SNTG1: variants seen among roughly 807,000 people sequenced by gnomAD.
SNTG1 encodes the protein gamma-1-syntrophin.
A neutral mutation model predicts 74.7 loss-of-function variants in SNTG1; 39 were observed. The observed-to-expected ratio is 0.52, with a 90% CI of 0.40 to 0.68. SNTG1 has a LOEUF of 0.68. Among genes scored for constraint, SNTG1 ranks in the 30% least tolerant of loss-of-function variants. The probability of loss-of-function intolerance (pLI) is 0.00; values close to 1 mark genes in which losing one functional copy is unlikely to be tolerated. For missense variants in SNTG1, 685 were observed against 609.5 expected (o/e 1.12, Z -1.30); for synonymous variants, 254 against 217.1 (o/e 1.17, Z -1.49).
At chr8:50,735,256 T>G (rs995353942) in intron 17 of SNTG1, among the ~76,000 whole-genome samples, 1 of 151,590 alleles carries the variant, frequency 6.6e-6, no homozygotes, top group Admixed American at 6.6e-5. Context: ...GTTGAGAAAA[T>G]ATATTCCATG....
At position 50,117,013 on chromosome 8, in the gene SNTG1, A is replaced by G. The variant is rs117600679; in HGVS notation, c.-102-55548A>G. On this transcript the variant is annotated intron_variant, in intron 1 of 18. Transcript: ENST00000642720. ...TTTTAATGCTAGGACTCATTTTCTCAGTGGAGAATGAGGCATGAAACAACA... is the reference window on the plus strand; with the variant it reads ...TTTTAATGCTAGGACTCATTTTCTCGGTGGAGAATGAGGCATGAAACAACA... Among the ~76,000 whole-genome samples the G allele has an allele frequency of 9.3e-3, 1,413 of 152,224 alleles. 4 individuals are homozygous for G. Among genetic ancestry groups the G allele is most frequent in the Non-Finnish European group, 0.013 (915 of 68,002 alleles).
chr8:50,744,873 G>T (rs2095551669), intron 17 of SNTG1, among the ~76,000 whole-genome samples: 1 of 151,888 alleles, frequency 6.6e-6, no homozygotes, highest in Non-Finnish European at 1.5e-5. Context: ...GTTAGACCCT[G>T]GCCTTATACC....
At chr8:50,383,026 A>G (rs2092515168) in intron 2 of SNTG1, among the ~76,000 whole-genome samples, 1 of 152,230 alleles carries the variant, frequency 6.6e-6, no homozygotes, top group Non-Finnish European at 1.5e-5. Flanking sequence ...ACTTAAAGCC[A>G]ACTGATTTCA....
intron 8 of SNTG1, among the ~76,000 whole-genome samples, chr8:50,474,553 C>T (rs1472125788): frequency 3.9e-5 from 6 of 151,972 alleles, no homozygotes; most frequent in Admixed American, 6.6e-5. Flanking sequence ...GTTAGAATGG[C>T]GATCATTAAA....
chr8:50,520,925 T>C (rs2130153661), intron 9 of SNTG1, among the ~76,000 whole-genome samples: 1 of 152,298 alleles, frequency 6.6e-6, no homozygotes, highest in Non-Finnish European at 1.5e-5. Context: ...TTACTGGGTA[T>C]ATACCCAAAG....
intron 1 of SNTG1, among the ~76,000 whole-genome samples, chr8:49,971,381 C>G (rs1811656778): frequency 6.6e-6 from 1 of 152,094 alleles, no homozygotes; most frequent in African/African-American, 2.4e-5. Context: ...ATAATAAGAG[C>G]TATCTATGAC....
chr8:50,589,637 T>C (rs888731318), intron 12 of SNTG1, among the ~76,000 whole-genome samples: 9 of 152,060 alleles, frequency 5.9e-5, no homozygotes, highest in Non-Finnish European at 7.4e-5. Context: ...TAGTACATTA[T>C]TGAAGACAAG....
At chr8:50,325,233 A>T (rs1587137317) in intron 2 of SNTG1, among the ~76,000 whole-genome samples, 1 of 151,742 alleles carries the variant, frequency 6.6e-6, no homozygotes, top group South Asian at 2.1e-4. Flanking sequence ...TTAACTTTAG[A>T]ATCAGTGTGG....
At chr8:50,122,070 C>G (rs767732251) in intron 1 of SNTG1, among the ~76,000 whole-genome samples, 1 of 140,766 alleles carries the variant, frequency 7.1e-6, no homozygotes, top group Non-Finnish European at 1.6e-5. Flanking sequence ...CCATGTCCAA[C>G]CCTCGATGCC....
chr8:50,567,661 T>A (rs1339243529), intron 12 of SNTG1, among the ~76,000 whole-genome samples: 1 of 152,092 alleles, frequency 6.6e-6, no homozygotes, highest in Non-Finnish European at 1.5e-5. Context: ...ATGGTCAAAT[T>A]AATAATATGT....
chr8:50,643,547 G>C (rs13252090), intron 13 of SNTG1, among the ~76,000 whole-genome samples: 34,152 of 152,120 alleles, frequency 0.22, 4,443 homozygotes, highest in African/African-American at 0.35. Flanking sequence ...TGCCCTTCCC[G>C]AAAGTGAAGA....
At chr8:50,438,334 T>G (rs2093325657) in intron 4 of SNTG1, among the ~76,000 whole-genome samples, 1 of 152,208 alleles carries the variant, frequency 6.6e-6, no homozygotes, top group Admixed American at 6.5e-5. Context: ...AACGCTTCAG[T>G]CCCTGTTATT....
intron 2 of SNTG1, among the ~76,000 whole-genome samples, chr8:50,263,569 A>G (rs1010768469): frequency 3.3e-5 from 5 of 152,186 alleles, no homozygotes; most frequent in Non-Finnish European, 5.9e-5. Flanking sequence ...TGGTGTGGCT[A>G]TACTAATAGC....
At chr8:50,224,272 A>G (rs2085217924) in intron 2 of SNTG1, among the ~76,000 whole-genome samples, 1 of 152,206 alleles carries the variant, frequency 6.6e-6, no homozygotes, top group Non-Finnish European at 1.5e-5. Context: ...ACAAGGGAAA[A>G]GTGACATAGA....
rs16914324 is a variant in SNTG1 at position 50,140,789 on chromosome 8, G to T, written c.-102-31772G>T. On this transcript the variant is annotated intron_variant, in intron 1 of 18. Transcript: ENST00000642720. ...CCTTCTTTATGGGAGGATCTTTCTG[G>T]ATCATCTTTAAAACATGGTCATTTT... is the stretch of plus-strand genomic sequence containing the variant. Among the ~76,000 whole-genome samples the T allele has an allele frequency of 7.9e-3, 1,207 of 152,144 alleles. 15 individuals carry two copies. The highest frequency in any genetic ancestry group is 0.028 in the African/African-American group (1,163 of 41,518).
chr8:50,313,990 T>C (rs1299862180), intron 2 of SNTG1, among the ~76,000 whole-genome samples: 1 of 149,840 alleles, frequency 6.7e-6, no homozygotes, highest in Non-Finnish European at 1.5e-5. Flanking sequence ...CAGTATTTAA[T>C]ACCCAATCTT....
chr8:50,134,690 G>A (rs1436504078), intron 1 of SNTG1, among the ~76,000 whole-genome samples: 3 of 152,100 alleles, frequency 2.0e-5, no homozygotes, highest in Admixed American at 6.6e-5. Context: ...ACGCTGAGGT[G>A]TGAGTATGTA....
chr8:50,416,031 A>G (rs2093009387), intron 4 of SNTG1, among the ~76,000 whole-genome samples: 1 of 152,092 alleles, frequency 6.6e-6, no homozygotes, highest in African/African-American at 2.4e-5. Context: ...GTAGCTTAAT[A>G]TTTTTATTTT....
chr8:50,504,011 G>A (rs2625737), intron 9 of SNTG1, among the ~76,000 whole-genome samples: 21,254 of 152,018 alleles, frequency 0.14, 1,605 homozygotes, highest in African/African-American at 0.18. Context: ...CCACTGAAAG[G>A]CCACAGTGTG....
Sources: allele counts gnomAD v4.1 joint callset (sites outside exome capture counted in the v4.1 genomes callset), GRCh38; gene constraint gnomAD v4.1.1; transcripts MANE v1.5; gene names NCBI Gene and HGNC (gene_info 2026-07-23, HGNC 2026-07-21).